The following SAMMSON variants were observed in gnomAD, a reference collection of about 807,000 sequenced individuals.
SAMMSON encodes survival associated mitochondrial melanoma specific oncogenic non-coding RNA.
intron 4 of SAMMSON, among the ~76,000 whole-genome samples, chr3:70,115,725 C>T (rs1393797608): frequency 6.6e-6 from 1 of 151,994 alleles, no homozygotes; most frequent in Non-Finnish European, 1.5e-5. Flanking sequence ...GAATTTATTC[C>T]CTTATTCTTG....
At chr3:70,272,064 T>C (rs993106423) in intron 6 of SAMMSON, 3 of 152,220 alleles carry the variant, frequency 2.0e-5, no homozygotes, top group Non-Finnish European at 4.4e-5. Context: ...TGTCTGGCTA[T>C]GGCTAACACT....
At chr3:70,077,048 G>T (rs1281538433) in intron 4 of SAMMSON, among the ~76,000 whole-genome samples, 1 of 152,148 alleles carries the variant, frequency 6.6e-6, no homozygotes, top group Non-Finnish European at 1.5e-5. Context: ...GAATTTGAGA[G>T]AAATGAAGGA....
chr3:70,415,344 T>C (rs1373780524), intron 2 of SAMMSON, among the ~76,000 whole-genome samples: 1 of 152,122 alleles, frequency 6.6e-6, no homozygotes, highest in African/African-American at 2.4e-5. Flanking sequence ...TTTGGTTCTC[T>C]GAGTTGCTGT....
chr3:70,327,780 G>A (rs755077530), intron 7 of SAMMSON, among the ~76,000 whole-genome samples: 1 of 152,068 alleles, frequency 6.6e-6, no homozygotes. Flanking sequence ...CAGCCTAATC[G>A]AGCTTGGAAG....
chr3:70,311,180 A>G (rs1157526306), intron 7 of SAMMSON, among the ~76,000 whole-genome samples: 1 of 152,220 alleles, frequency 6.6e-6, no homozygotes, highest in Non-Finnish European at 1.5e-5. Flanking sequence ...TTTACAATAT[A>G]ATAGATTCAT....
intron 4 of SAMMSON, among the ~76,000 whole-genome samples, chr3:70,181,314 G>A (rs970203554): frequency 3.3e-5 from 5 of 152,286 alleles, no homozygotes; most frequent in East Asian, 3.9e-4. Flanking sequence ...AGAGGTTCAA[G>A]TTTTAAGCTA....
chr3:70,226,859 T>C (rs1701512397), intron 4 of SAMMSON, among the ~76,000 whole-genome samples: 2 of 151,550 alleles, frequency 1.3e-5, no homozygotes, highest in African/African-American at 4.9e-5. Context: ...TAGCAGAGCA[T>C]GGTAAGAAGT....
chr3:70,245,671 T>A (rs1369568285), intron 4 of SAMMSON, among the ~76,000 whole-genome samples: 10 of 57,236 alleles, frequency 1.7e-4, no homozygotes, highest in South Asian at 8.0e-4. Flanking sequence ...GCAAACTGCT[T>A]TATATATATA....
intron 1 of SAMMSON, among the ~76,000 whole-genome samples, chr3:70,010,220 T>A (rs1300907538): frequency 1.3e-5 from 2 of 151,936 alleles, no homozygotes; most frequent in African/African-American, 2.4e-5. Context: ...CGTTGATGTG[T>A]CTAATGTTGA....
chr3:70,198,861 C>A (rs1347651368), intron 4 of SAMMSON, among the ~76,000 whole-genome samples: 1 of 152,128 alleles, frequency 6.6e-6, no homozygotes, highest in African/African-American at 2.4e-5. Flanking sequence ...TAAGTCACCA[C>A]AAACCTCCCA....
intron 4 of SAMMSON, among the ~76,000 whole-genome samples, chr3:70,225,942 TTGA>T (rs1340804523): frequency 1.3e-5 from 2 of 152,208 alleles, no homozygotes; most frequent in Non-Finnish European, 2.9e-5. Context: ...AAGTGGTCTT[TTGA>T]TGATGCTTAC....
chr3:70,344,635 C>A (rs901238192), intron 7 of SAMMSON, among the ~76,000 whole-genome samples: 2 of 152,212 alleles, frequency 1.3e-5, no homozygotes, highest in Non-Finnish European at 2.9e-5. Context: ...CCCATGTGGG[C>A]TTCAGGAGTC....
chr3:70,268,197 G>A (rs1701939485), intron 6 of SAMMSON, among the ~76,000 whole-genome samples: 2 of 152,126 alleles, frequency 1.3e-5, no homozygotes, highest in Non-Finnish European at 1.5e-5. Context: ...CCGGCTGGGC[G>A]CGGTAGCTCA....
At chr3:70,143,979 A>G (rs908488660) in intron 4 of SAMMSON, among the ~76,000 whole-genome samples, 4 of 152,112 alleles carry the variant, frequency 2.6e-5, no homozygotes, top group Non-Finnish European at 4.4e-5. Context: ...ACTTTTGGTA[A>G]ACATTTTTGA....
At chr3:70,078,130 T>C (rs1433908718) in intron 4 of SAMMSON, among the ~76,000 whole-genome samples, 1 of 152,166 alleles carries the variant, frequency 6.6e-6, no homozygotes, top group Non-Finnish European at 1.5e-5. Flanking sequence ...GGAGGAGTGG[T>C]GTTCCCTTTA....
intron 7 of SAMMSON, among the ~76,000 whole-genome samples, chr3:70,299,634 A>G (rs574903266): frequency 6.6e-6 from 1 of 152,232 alleles, no homozygotes; most frequent in South Asian, 2.1e-4. Flanking sequence ...GAAAACCAAT[A>G]TCTCAAATTC....
intron 4 of SAMMSON, among the ~76,000 whole-genome samples, chr3:70,178,034 C>T (rs893214631): frequency 2.0e-5 from 3 of 152,178 alleles, no homozygotes; most frequent in Middle Eastern, 6.8e-3. Flanking sequence ...ATATGCCGAG[C>T]GTTATAGTTA....
intron 4 of SAMMSON, among the ~76,000 whole-genome samples, chr3:70,247,637 A>T (rs1270981393): frequency 6.6e-6 from 1 of 151,830 alleles, no homozygotes. Flanking sequence ...AGAATTTATG[A>T]CTCTAATAGC....
rs76341401 is a variant in SAMMSON, at chr3:70,211,104, T to C, written n.508-38003T>C. On this transcript the variant is annotated intron_variant and non_coding_transcript_variant, in intron 4 of 9. Coordinates refer to ENST00000642114, the Ensembl canonical transcript of SAMMSON. ...TTTGACTCTTCATAGATAAAAGCAT[T>C]CAAATGATGAATAAGTACTAGGTCC... Among the ~76,000 whole-genome samples, 348 of 152,244 alleles carry C rather than the reference T, an allele frequency of 2.3e-3. 3 individuals carry two copies. The highest frequency in any genetic ancestry group is 8.2e-3 in the African/African-American group (341 of 41,574).
Sources: gnomAD v4.1 joint callset for allele counts (sites outside exome capture counted in the v4.1 genomes callset) on GRCh38, gnomAD v4.1.1 for gene constraint, MANE v1.5 for transcripts, NCBI Gene and HGNC (gene_info 2026-07-23, HGNC 2026-07-21) for gene names.